The following TGM4 variants were observed in gnomAD, a reference collection of about 807,000 sequenced individuals.
TGM4 encodes the protein transglutaminase 4, also known as protein-glutamine gamma-glutamyltransferase 4.
TGM4 carries 61 observed loss-of-function variants against 76.3 expected under a neutral mutation model. The ratio of observed to expected loss-of-function variants is 0.80; its 90% CI spans 0.65 to 0.99. TGM4 has a LOEUF of 0.99. Ranked by LOEUF, TGM4 falls within the 50% of genes least tolerant of loss-of-function variation. The pLI is 0.00. For missense variants in TGM4, 794 were observed against 843.2 expected (o/e 0.94, Z 0.72); for synonymous variants, 337 against 329.8 (o/e 1.02, Z -0.24).
intron 1 of TGM4, among the ~76,000 whole-genome samples, chr3:44,878,449 T>TTTTTTATTATTA (rs758610230): frequency 8.0e-5 from 6 of 75,470 alleles, no homozygotes; most frequent in African/African-American, 2.6e-4. Flanking sequence ...TTACTTTTGT[T>TTTTTTATTATTA]TTATTATTAT....
chr3:44,896,598 G>T, intron 5 of TGM4, 111 bp from the exon 6 acceptor site: 1 of 911,660 alleles, frequency 1.1e-6, no homozygotes, highest in Non-Finnish European at 1.8e-6. Context: ...TGTAGGCAGG[G>T]GAGATGGGTT....
At position 44,896,339 on chromosome 3, in the gene TGM4, G is replaced by A. The variant is rs181474308; in HGVS notation, c.550-370G>A. ...TTGGTCAGGCTGGTCTTGAGCATCC[G>A]ACCTCAGGTGATCCACCTGCCTCGG... On this transcript the variant is annotated intron_variant, in intron 5 of 13. Coordinates refer to ENST00000296125, the MANE Select transcript of TGM4 (RefSeq NM_003241.4). 4.4e-3 allele frequency among the ~76,000 whole-genome samples: 671 copies of A among 152,300 alleles called. 3 individuals carry two copies. Among genetic ancestry groups the A allele is most frequent in the Middle Eastern group, 0.017 (5 of 294 alleles).
At chr3:44,909,522 CTG>C (rs1295292703) in intron 10 of TGM4, among the ~76,000 whole-genome samples, 3 of 152,184 alleles carry the variant, frequency 2.0e-5, no homozygotes, top group African/African-American at 4.8e-5. Flanking sequence ...AAGACAAACT[CTG>C]TGAATGAGGG....
At chr3:44,892,259 AAAATAAAT>A (rs898368299) in intron 4 of TGM4, among the ~76,000 whole-genome samples, 4 of 151,678 alleles carry the variant, frequency 2.6e-5, no homozygotes, top group Non-Finnish European at 5.9e-5. Context: ...CTCTGTCTCA[AAAATAAAT>A]AAATAAATAA....
rs1699978732 is a variant in TGM4, at chr3:44,910,070, T to C, written c.1328-20T>C. 1 of 1,606,184 alleles carries C rather than the reference T, an allele frequency of 6.2e-7. No homozygotes were observed. Among genetic ancestry groups the C allele is most frequent in the East Asian group, 2.2e-5 (1 of 44,768 alleles). The stretch of plus-strand genomic sequence containing the variant: ...CCTTGAAGGAGCACCTGAAGGAAGC[T>C]GCCTTTGTGTCTCTTTCAGGCTCCT... On this transcript the variant is annotated intron_variant, in intron 10 of 13. Coordinates refer to ENST00000296125, the MANE Select transcript of TGM4 (RefSeq NM_003241.4).
rs988546156 is a variant in TGM4 at position 44,890,596 on chromosome 3, T to G, written c.301-7T>G. The G allele has an allele frequency of 4.3e-6, 7 of 1,613,610 alleles. No homozygotes were observed. The highest frequency in any genetic ancestry group is 5.9e-6 in the Non-Finnish European group (7 of 1,179,812). On this transcript the variant is annotated splice_region_variant and splice_polypyrimidine_tract_variant and intron_variant, in intron 3 of 13. Coordinates refer to ENST00000296125, the MANE Select transcript of TGM4 (RefSeq NM_003241.4). ...GAGATGTCCACCTTATCTTATGGTT[T>G]GCTCAGGTCACAGTGGCTGTCACCA... is the stretch of plus-strand genomic sequence containing the variant.
intron 10 of TGM4, among the ~76,000 whole-genome samples, chr3:44,907,848 G>A (rs562609879): frequency 2.7e-4 from 41 of 152,276 alleles, no homozygotes; most frequent in African/African-American, 9.9e-4. Context: ...CATTGGCTGT[G>A]GTTCCTGTAC....
intron 1 of TGM4, among the ~76,000 whole-genome samples, chr3:44,875,028 A>G (rs1381338355): frequency 1.3e-5 from 2 of 152,246 alleles, no homozygotes; most frequent in Non-Finnish European, 2.9e-5. Flanking sequence ...AGACAAATAT[A>G]TATTTTTTGA....
intron 2 of TGM4, among the ~76,000 whole-genome samples, chr3:44,885,707 G>A (rs1007312476): frequency 3.3e-5 from 5 of 152,150 alleles, no homozygotes; most frequent in Admixed American, 3.3e-4. Context: ...GTGAGGCTCT[G>A]ATTCCTTGGC....
At chr3:44,881,434 A>C (rs1237798353) in intron 1 of TGM4, among the ~76,000 whole-genome samples, 1 of 152,184 alleles carries the variant, frequency 6.6e-6, no homozygotes, top group African/African-American at 2.4e-5. Context: ...AAATTCATTT[A>C]TTACAGTTAT....
At chr3:44,910,460 T>C (rs1699988416) in intron 11 of TGM4, 92 bp downstream of exon 11, 1 of 1,446,914 alleles carries the variant, frequency 6.9e-7, no homozygotes, top group Non-Finnish European at 9.3e-7. Flanking sequence ...CTTCCATACA[T>C]TGATAAATTT....
intron 8 of TGM4, 116 bp from the exon 9 acceptor site, chr3:44,903,749 CAAAGGTTCCCAAACCCCTG>C: frequency 1.2e-6 from 1 of 808,178 alleles, no homozygotes; most frequent in Non-Finnish European, 2.1e-6. Context: ...CCAGTGTTGA[CAAAGGTTCCCAAACCCCTG>C]AGAACAACCT....
At chr3:44,909,369 G>A (rs1243083746) in intron 10 of TGM4, among the ~76,000 whole-genome samples, 3 of 152,090 alleles carry the variant, frequency 2.0e-5, no homozygotes, top group Admixed American at 6.6e-5. Flanking sequence ...CTTTTTGGTC[G>A]GCTTCTTTTC....
rs1699782409 is a variant in TGM4, at chr3:44,896,710, T to C, written c.551T>C (p.Phe184Ser). The C allele has an allele frequency of 1.2e-6, 2 of 1,614,036 alleles. No individual in the cohort carries two copies. Among genetic ancestry groups the C allele is most frequent in the Non-Finnish European group, 1.7e-6 (2 of 1,179,932 alleles). ...CTCTTTCTTCATTTCCCAAAATAGT[T>C]TGAGAAAAATGTCCTGGACTGCTGC... ...IKCKPWNFGQ[F>S]EKNVLDCCIS... Residue 184 changes from phenylalanine (F) to serine (S), a missense_variant and splice_region_variant, in exon 6 of 14, where the codon TTT (phenylalanine) becomes TCT (serine). Physicochemically the swap from Phe to Ser is radical, Grantham distance 155. Transcript: ENST00000296125.
At chr3:44,903,852 C>T (rs767666018) in intron 8 of TGM4, 32 bp from the exon 9 acceptor site, 4 of 1,605,026 alleles carry the variant, frequency 2.5e-6, no homozygotes, top group Middle Eastern at 1.7e-4. Flanking sequence ...TGGGGGTGGT[C>T]CGGGGTGGGG....
chr3:44,894,681 G>C (rs1699756160), intron 5 of TGM4, among the ~76,000 whole-genome samples: 1 of 151,596 alleles, frequency 6.6e-6, no homozygotes, highest in Non-Finnish European at 1.5e-5. Flanking sequence ...AAACTCCTGG[G>C]AAATGCCAGG....
chr3:44,907,072 T>C lies in TGM4; in HGVS notation c.1199T>C (p.Met400Thr), dbSNP rs1213098070. ...GACAGGCTCATCTGGTTGGTGAAGA[T>C]GGTGAATGGGCAGGAGGAGTTACAC... ...NGDRLIWLVK[M>T]VNGQEELHVI... The change falls in exon 10 of 14, where the codon ATG becomes ACG. Residue 400 changes from methionine to threonine, a missense_variant. Physicochemically the swap from Met to Thr is moderately conservative, Grantham distance 81 (BLOSUM62 -1). Transcript: ENST00000296125. 10 of 1,613,974 alleles carry C rather than the reference T, an allele frequency of 6.2e-6. No individual in the cohort carries two copies. In the South Asian group the frequency reaches 9.9e-5, roughly 16 times the overall value.
In TGM4 at chr3:44,913,696, G is replaced by A; in HGVS notation, c.2026G>A (p.Ala676Thr). 1 of 1,614,148 alleles carries A rather than the reference G, an allele frequency of 6.2e-7. No individual in the cohort carries two copies. Among genetic ancestry groups the A allele is most frequent in the Non-Finnish European group, 8.5e-7 (1 of 1,180,008 alleles). The change falls in exon 14 of 14, where the codon GCT (alanine) becomes ACT (threonine). Residue 676 changes from alanine (A) to threonine (T), a missense_variant. Physicochemically the swap from Ala to Thr is moderately conservative, Grantham distance 58 (BLOSUM62 0). Transcript: ENST00000296125. ...TTCCAAACAAGTGAAAGAGATTAAT[G>A]CTCAGAAGATTGTTCTCATCACCAA... is the stretch of plus-strand genomic sequence containing the variant. ...LSSKQVKEIN[A>T]QKIVLITK
At chr3:44,907,314 A>C (rs1575727023) in intron 10 of TGM4, 114 bp downstream of exon 10, 1 of 312,338 alleles carries the variant, frequency 3.2e-6, no homozygotes, top group Non-Finnish European at 3.9e-6. Context: ...CCCTACCAAA[A>C]AAAAAAAAAA....
Sources: allele counts gnomAD v4.1 joint callset (sites outside exome capture counted in the v4.1 genomes callset), GRCh38; gene constraint gnomAD v4.1.1; transcripts MANE v1.5; gene names NCBI Gene and HGNC (gene_info 2026-07-23, HGNC 2026-07-21).